Variants in SLC5A8 observed in about 807,000 individuals in gnomAD.
SLC5A8 encodes sodium-coupled monocarboxylate transporter 1.
A neutral mutation model predicts 71.9 loss-of-function variants in SLC5A8; 55 were observed. The observed-to-expected ratio is 0.77, with a 90% CI of 0.62 to 0.96. The LOEUF is 0.96. Among genes scored for constraint, SLC5A8 ranks in the 40% least tolerant of loss-of-function variants. SLC5A8 has a pLI of 0.00. For missense variants in SLC5A8, 701 were observed against 745.3 expected, an observed-to-expected ratio of 0.94 and a Z score of 0.69; for synonymous variants, 307 against 276.1, an observed-to-expected ratio of 1.11 and a Z score of -1.11.
chr12:101,157,026 A>G lies in SLC5A8; in HGVS notation c.*253T>C, dbSNP rs906214704. ...GCCTTTCAGCATCTATGTAGTTACA[A>G]TTTTCACAATTATAGCTTCATCGAA... On this transcript the variant is annotated 3_prime_UTR_variant, in exon 15 of 15. Coordinates refer to ENST00000536262, the MANE Select transcript of SLC5A8 (RefSeq NM_145913.5). 9 of 410,676 alleles carry G rather than the reference A, an allele frequency of 2.2e-5. No homozygotes were observed. Among genetic ancestry groups the G allele is most frequent in the South Asian group, 6.2e-5 (1 of 16,250 alleles). 25.4% of individuals were successfully genotyped at this position (410,676 alleles called of 1,614,324 possible).
intron 7 of SLC5A8, among the ~76,000 whole-genome samples, chr12:101,185,937 T>C (rs1203141756): frequency 6.6e-6 from 1 of 152,166 alleles, no homozygotes; most frequent in East Asian, 1.9e-4. Flanking sequence ...CCCAGTGAAG[T>C]GTTAATTGAA....
chr12:101,210,167 G>T lies in SLC5A8; in HGVS notation c.-319C>A. On this transcript the variant is annotated 5_prime_UTR_variant, in exon 1 of 15. Coordinates refer to ENST00000536262, the MANE Select transcript of SLC5A8 (RefSeq NM_145913.5). ...TCGCCAAGGCGCCGGGGACACCTGA[G>T]CAGATGAGAACTGGAGCCTCCAGCT... is the stretch of plus-strand genomic sequence containing the variant. 2.9e-6 allele frequency: 1 copy of T among 349,996 alleles called. No homozygotes were observed. The highest frequency in any genetic ancestry group is 5.1e-6 in the Non-Finnish European group (1 of 196,220). The allele number at this position is 349,996 out of a possible 1,614,324, so 21.7% of individuals were successfully genotyped here. A position where few individuals can be genotyped will look rare whatever the true frequency, so the allele number is the denominator to read the frequency against.
At chr12:101,168,062 G>C in intron 11 of SLC5A8, 34 bp downstream of exon 11, 13 of 1,567,098 alleles carry the variant, frequency 8.3e-6, no homozygotes, top group Non-Finnish European at 9.6e-6. Flanking sequence ...AGTTCAAAAA[G>C]TAATCCTCAA....
At chr12:101,163,540 G>A (rs1383242748) in intron 12 of SLC5A8, among the ~76,000 whole-genome samples, 3 of 152,172 alleles carry the variant, frequency 2.0e-5, no homozygotes, top group Non-Finnish European at 4.4e-5. Context: ...TTGGCCAGGT[G>A]TGGTGGCACA....
rs1258942407 is a variant in SLC5A8, at chr12:101,157,324, T to C, written c.1788A>G (p.Glu596=). 6.2e-7 allele frequency: 1 copy of C among 1,613,560 alleles called. No homozygotes were observed. Among genetic ancestry groups the C allele is most frequent in the Admixed American group, 1.7e-5 (1 of 59,896 alleles). Residue 596 remains glutamate (E), a synonymous_variant, in exon 15 of 15, where the codon GAA becomes GAG. Coordinates refer to ENST00000536262, the MANE Select transcript of SLC5A8 (RefSeq NM_145913.5). ...GTDNPAFNHI[E]LNSDQSGKSN... ...TCTTGCCACTCTGATCTGAGTTCAATTCAATGTGGTTGAAAGCAGGATTAT... is the reference window on the plus strand; with the variant it reads ...TCTTGCCACTCTGATCTGAGTTCAACTCAATGTGGTTGAAAGCAGGATTAT...
At chr12:101,184,292 C>T in intron 7 of SLC5A8, 70 bp from the exon 8 acceptor site, 1 of 1,288,294 alleles carries the variant, frequency 7.8e-7, no homozygotes, top group African/African-American at 1.5e-5. Flanking sequence ...CCTAGTTTAT[C>T]ATTTGTCTTG....
chr12:101,195,284 C>A, intron 3 of SLC5A8, 122 bp from the exon 4 acceptor site: 1 of 959,930 alleles, frequency 1.0e-6, no homozygotes, highest in South Asian at 1.5e-5. Flanking sequence ...ACCCACTTGC[C>A]TAAAGCTAAA....
In SLC5A8 at chr12:101,181,861, T is replaced by C. The variant is rs116740405; in HGVS notation, c.1165+942A>G. On this transcript the variant is annotated intron_variant, in intron 9 of 14. Coordinates refer to ENST00000536262, the MANE Select transcript of SLC5A8 (RefSeq NM_145913.5). ...TTTAGGGAATACTGAAGGATATAAA[T>C]TAAGGACTCATTTCAGGCTACAGTT... is the stretch of plus-strand genomic sequence containing the variant. Among the ~76,000 whole-genome samples, 573 of 152,322 alleles carry C rather than the reference T, an allele frequency of 3.8e-3. 6 individuals carry two copies. Among genetic ancestry groups the C allele is most frequent in the African/African-American group, 0.013 (553 of 41,574 alleles).
At chr12:101,160,276 T>C (rs761042146) in intron 13 of SLC5A8, among the ~76,000 whole-genome samples, 2 of 152,210 alleles carry the variant, frequency 1.3e-5, no homozygotes, top group African/African-American at 4.8e-5. Context: ...ATTTTATTTT[T>C]GAGAAAGAGC....
At chr12:101,182,210 G>C (rs1868399301) in intron 9 of SLC5A8, among the ~76,000 whole-genome samples, 1 of 152,224 alleles carries the variant, frequency 6.6e-6, no homozygotes, top group Non-Finnish European at 1.5e-5. Flanking sequence ...CTCCAGGACA[G>C]TGTACATAAG....
chr12:101,179,139 TA>T (rs964536943), intron 10 of SLC5A8, among the ~76,000 whole-genome samples: 35 of 151,144 alleles, frequency 2.3e-4, no homozygotes, highest in East Asian at 2.1e-3. Flanking sequence ...ATGGCTAATA[TA>T]AAAAAAAAGA....
At chr12:101,179,921 A>G in intron 10 of SLC5A8, 108 bp downstream of exon 10, 1 of 1,109,034 alleles carries the variant, frequency 9.0e-7, no homozygotes, top group Non-Finnish European at 1.3e-6. Flanking sequence ...GCCACTTGAT[A>G]TGTCCAGGTG....
chr12:101,201,138 G>T (rs867078230), intron 3 of SLC5A8, among the ~76,000 whole-genome samples: 3 of 152,136 alleles, frequency 2.0e-5, no homozygotes, highest in Non-Finnish European at 4.4e-5. Context: ...ACCATAATAT[G>T]TTCAATTACA....
At chr12:101,203,533 G>T (rs1313380120) in intron 2 of SLC5A8, among the ~76,000 whole-genome samples, 3 of 152,174 alleles carry the variant, frequency 2.0e-5, no homozygotes, top group African/African-American at 7.2e-5. Flanking sequence ...TTTTTGTAGA[G>T]ATGGGGTTTC....
intron 1 of SLC5A8, 29 bp downstream of exon 1, chr12:101,209,469 G>T: frequency 6.6e-7 from 1 of 1,521,818 alleles, no homozygotes; most frequent in Non-Finnish European, 8.9e-7. Flanking sequence ...CCCGCGCCCT[G>T]CATGGTCCCA....
At chr12:101,179,977 T>C in intron 10 of SLC5A8, 52 bp downstream of exon 10, 1 of 1,591,970 alleles carries the variant, frequency 6.3e-7, no homozygotes. Flanking sequence ...ACATCAACAT[T>C]GAAAAAAGAT....
intron 3 of SLC5A8, among the ~76,000 whole-genome samples, chr12:101,198,541 T>C (rs1465059966): frequency 1.3e-5 from 2 of 151,836 alleles, no homozygotes; most frequent in African/African-American, 2.4e-5. Flanking sequence ...TTAGACCAAA[T>C]GGAAGCATTC....
intron 8 of SLC5A8, 41 bp from the exon 9 acceptor site, chr12:101,182,956 C>T: frequency 1.8e-6 from 2 of 1,093,630 alleles, no homozygotes; most frequent in South Asian, 1.7e-5. Context: ...AATATTTTAC[C>T]TTTAATAATA....
chr12:101,188,783 C>T (rs1027424201), intron 6 of SLC5A8, among the ~76,000 whole-genome samples: 1 of 152,190 alleles, frequency 6.6e-6, no homozygotes, highest in African/African-American at 2.4e-5. Flanking sequence ...GTATGTTTTG[C>T]TATTGCTAGC....
Sources: gnomAD v4.1 joint callset for allele counts (sites outside exome capture counted in the v4.1 genomes callset) on GRCh38, gnomAD v4.1.1 for gene constraint, MANE v1.5 for transcripts, NCBI Gene and HGNC (gene_info 2026-07-23, HGNC 2026-07-21) for gene names.